The following LRTM3 variants were observed in gnomAD, a reference collection of about 807,000 sequenced individuals.
LRTM3 encodes the protein leucine rich repeat transmembrane protein 3.
chr13:102,741,920 G>T, the LRTM3 span: 1 of 1,550,444 alleles, frequency 6.4e-7, no homozygotes, highest in Non-Finnish European at 8.7e-7. Flanking sequence ...TATGTCTTCT[G>T]AAATGCTTTG....
the LRTM3 span, chr13:102,738,993 T>C: frequency 3.2e-6 from 5 of 1,550,282 alleles, no homozygotes; most frequent in East Asian, 4.9e-5. Flanking sequence ...CTATCATCAA[T>C]TGGCTGCTCA....
At chr13:102,752,591 C>T in the LRTM3 span, among the ~76,000 whole-genome samples, 6 of 152,034 alleles carry the variant, frequency 3.9e-5, no homozygotes, top group South Asian at 2.1e-4. Context: ...GTTTTTTCAT[C>T]GATAACACAA....
chr13:102,755,942 CAT>C, the LRTM3 span, among the ~76,000 whole-genome samples: 25 of 52,786 alleles, frequency 4.7e-4, no homozygotes, highest in African/African-American at 9.0e-4. Flanking sequence ...TATATATATA[CAT>C]ATATATATAT....
At chr13:102,748,321 A>G in the LRTM3 span, 1 of 1,551,078 alleles carries the variant, frequency 6.4e-7, no homozygotes. Flanking sequence ...CACTTTCTGT[A>G]TTCACTTGAA....
At chr13:102,737,865 T>A in the LRTM3 span, 2 of 1,550,522 alleles carry the variant, frequency 1.3e-6, no homozygotes, top group African/African-American at 2.7e-5. Context: ...ATATAATGGG[T>A]TAGAGAAGAA....
the LRTM3 span, among the ~76,000 whole-genome samples, chr13:102,753,342 C>T: frequency 0.015 from 2,344 of 152,004 alleles, 65 homozygotes; most frequent in African/African-American, 0.054. Context: ...GGCACAGGGA[C>T]GGAGAGCATT....
the LRTM3 span, chr13:102,738,802 T>A: frequency 1.4e-5 from 21 of 1,550,186 alleles, no homozygotes; most frequent in Non-Finnish European, 1.8e-5. Context: ...AAATCTCAAC[T>A]TCTTTATCTT....
At chr13:102,748,836 G>A in the LRTM3 span, 2 of 1,550,308 alleles carry the variant, frequency 1.3e-6, no homozygotes, top group Non-Finnish European at 1.7e-6. Flanking sequence ...AACATTTTTG[G>A]TGAAATGTTT....
the LRTM3 span, chr13:102,735,261 CTCTATCCTTCTCT>C: frequency 6.4e-7 from 1 of 1,551,318 alleles, no homozygotes; most frequent in South Asian, 1.2e-5. Flanking sequence ...GCAACTTTTT[CTCTATCCTTCTCT>C]TCTTTCTGTA....
chr13:102,733,282 C>T, the LRTM3 span: 1 of 1,551,382 alleles, frequency 6.4e-7, no homozygotes, highest in East Asian at 2.4e-5. Flanking sequence ...ATCCCTTTGT[C>T]TGTGGTGCTA....
At chr13:102,743,432 G>A in the LRTM3 span, 1 of 1,550,468 alleles carries the variant, frequency 6.4e-7, no homozygotes, top group Non-Finnish European at 8.7e-7. Flanking sequence ...TTTTAAATTG[G>A]ATTCAAGTTT....
At chr13:102,754,812 A>G in the LRTM3 span, among the ~76,000 whole-genome samples, 2 of 152,196 alleles carry the variant, frequency 1.3e-5, no homozygotes, top group Non-Finnish European at 2.9e-5. Flanking sequence ...GAGCCATGGT[A>G]ACCAATAGCA....
At chr13:102,748,050 A>G in the LRTM3 span, 1 of 1,550,950 alleles carries the variant, frequency 6.4e-7, no homozygotes, top group Non-Finnish European at 8.7e-7. Context: ...TCATCTGGTA[A>G]TTTCTCTTGC....
At chr13:102,744,062 G>A in the LRTM3 span, 1 of 1,550,370 alleles carries the variant, frequency 6.5e-7, no homozygotes, top group Non-Finnish European at 8.7e-7. Flanking sequence ...TGTACTCTTA[G>A]CATATTCAGT....
At chr13:102,738,022 C>T in the LRTM3 span, 19 of 1,550,468 alleles carry the variant, frequency 1.2e-5, no homozygotes, top group South Asian at 7.1e-5. Context: ...CTCTATCAAC[C>T]TTTTCTTGTC....
At chr13:102,747,633 C>G in the LRTM3 span, 1 of 1,551,092 alleles carries the variant, frequency 6.4e-7, no homozygotes, top group Non-Finnish European at 8.7e-7. Flanking sequence ...ACACTATACT[C>G]TGTTGTTTCA....
chr13:102,750,435 C>A, the LRTM3 span: 1 of 1,043,530 alleles, frequency 9.6e-7, no homozygotes, highest in Non-Finnish European at 1.4e-6. Context: ...GAATATATTT[C>A]GTATAAGAAT....
chr13:102,738,343 T>A, the LRTM3 span: 1 of 1,551,010 alleles, frequency 6.4e-7, no homozygotes, highest in East Asian at 2.4e-5. Context: ...GTGATAGTTC[T>A]GGAAGATAGT....
the LRTM3 span, chr13:102,735,160 C>G: frequency 3.2e-6 from 5 of 1,551,300 alleles, no homozygotes; most frequent in Non-Finnish European, 4.4e-6. Context: ...TAGTTTTCCA[C>G]TGAAGATCAC....
Sources: gnomAD v4.1 joint callset for allele counts (sites outside exome capture counted in the v4.1 genomes callset) on GRCh38, gnomAD v4.1.1 for gene constraint, MANE v1.5 for transcripts, NCBI Gene and HGNC (gene_info 2026-07-23, HGNC 2026-07-21) for gene names.